CSNK1A1: variants seen among roughly 807,000 people sequenced by gnomAD.
The protein encoded by CSNK1A1 is casein kinase 1 alpha 1.
CSNK1A1 carries 7 observed loss-of-function variants against 46.1 expected under a neutral mutation model. The observed-to-expected ratio is 0.15, with a 90% CI of 0.09 to 0.29. The LOEUF is 0.29. Among genes scored for constraint, CSNK1A1 ranks in the 10% least tolerant of loss-of-function variants. CSNK1A1 has a pLI of 1.00. For missense variants in CSNK1A1, 96 were observed against 417.1 expected, an observed-to-expected ratio of 0.23 and a Z score of 6.71; for synonymous variants, 137 against 141.5, an observed-to-expected ratio of 0.97 and a Z score of 0.23.
At chr5:149,515,850 G>GT (rs1200756178) in intron 4 of CSNK1A1, among the ~76,000 whole-genome samples, 2 of 152,168 alleles carry the variant, frequency 1.3e-5, no homozygotes, top group Admixed American at 6.5e-5. Context: ...TCAAATAAGC[G>GT]TAAGATAATG....
rs191580936 is a variant in CSNK1A1, at chr5:149,510,472, T to G, written c.676-519A>C. Among the ~76,000 whole-genome samples the G allele has an allele frequency of 2.9e-3, 445 of 151,952 alleles. 3 individuals are homozygous for G. The highest frequency in any genetic ancestry group is 0.01 in the African/African-American group (435 of 41,496). On this transcript the variant is annotated intron_variant, in intron 6 of 9. Transcript: ENST00000377843. ...CTTTCCTTTTTCCTTTTCTTTGTTT[T>G]TTTGTTTGTTTGTTTGTTTTTTTGA...
chr5:149,545,251 T>C, intron 2 of CSNK1A1: 1 of 218,380 alleles, frequency 4.6e-6, no homozygotes, highest in Non-Finnish European at 9.0e-6. Flanking sequence ...GTCCAAGAAT[T>C]TTCTTTCTTT....
rs909460651 is a variant in CSNK1A1 at position 149,521,270 on chromosome 5, C to CTT, written c.358-884_358-883dup. 1.3e-3 allele frequency among the ~76,000 whole-genome samples: 158 copies of CTT among 123,908 alleles called. 2 individuals are homozygous for CTT. Among genetic ancestry groups the CTT allele is most frequent in the African/African-American group, 2.7e-3 (91 of 33,496 alleles). The allele number at this position is 123,908 out of a possible 152,430, so 81.3% of individuals were successfully genotyped here. ...GCTGTAACAATTTGGATTTACTCTT[C>CTT]TTTTTTTTTTTTTTTTTTTGAGACA... On this transcript the variant is annotated intron_variant, in intron 3 of 9. Transcript: ENST00000377843.
rs371662153 is a variant in CSNK1A1, at chr5:149,507,038, G to A, written c.846C>T (p.Arg282=). Residue 282 remains arginine, a synonymous_variant, in exon 8 of 10, where the codon CGC becomes CGT. Coordinates refer to ENST00000377843, the MANE Select transcript of CSNK1A1 (RefSeq NM_001892.6). ...CCTTAAAAACTGACCTGAAAAGAAT[G>A]CGGAATAGCTGCCTCAGATACATGT... ...PDYMYLRQLF[R]ILFRTLNHQY... 6.2e-7 allele frequency: 1 copy of A among 1,612,272 alleles called. No individual in the cohort carries two copies. Among genetic ancestry groups the A allele is most frequent in the Non-Finnish European group, 8.5e-7 (1 of 1,179,046 alleles).
chr5:149,519,961 ATGGGGG>A (rs945185836), intron 4 of CSNK1A1, among the ~76,000 whole-genome samples: 1 of 152,196 alleles, frequency 6.6e-6, no homozygotes, highest in African/African-American at 2.4e-5. Context: ...AGAAAAGAAT[ATGGGGG>A]TTTTTGCTAT....
intron 2 of CSNK1A1, among the ~76,000 whole-genome samples, chr5:149,529,037 A>G (rs1222493634): frequency 6.6e-6 from 1 of 152,232 alleles, no homozygotes. Flanking sequence ...TGCATATTGC[A>G]GGTACTCAGG....
Position 149,497,026 on chromosome 5 carries a change from T to G in CSNK1A1, c.1007-166A>C. ...CTCAACTTTTTAAAACAGAAAAACA[T>G]GAATCTATACTTAAAACTAATTTTT... On this transcript the variant is annotated intron_variant, in intron 9 of 9. Coordinates refer to ENST00000377843, the MANE Select transcript of CSNK1A1 (RefSeq NM_001892.6). 2.8e-6 allele frequency: 4 copies of G among 1,431,820 alleles called. No individual in the cohort carries two copies. The African/African-American group carries it at 5.7e-5, about 21-fold the overall frequency. The allele number at this position is 1,431,820 out of a possible 1,614,324, so 88.7% of individuals were successfully genotyped here. A position where few individuals can be genotyped will look rare whatever the true frequency, so the allele number is the denominator to read the frequency against.
intron 2 of CSNK1A1, among the ~76,000 whole-genome samples, chr5:149,548,338 A>G (rs1165427200): frequency 6.6e-6 from 1 of 151,596 alleles, no homozygotes. Context: ...AGGCTGAGGC[A>G]GGTGGATCAC....
At chr5:149,512,463 T>C (rs1761258539) in intron 5 of CSNK1A1, among the ~76,000 whole-genome samples, 1 of 152,134 alleles carries the variant, frequency 6.6e-6, no homozygotes, top group South Asian at 2.1e-4. Context: ...CATATCATTG[T>C]TTTTTCTACT....
chr5:149,532,744 A>T (rs1036417847), intron 2 of CSNK1A1, among the ~76,000 whole-genome samples: 2 of 152,008 alleles, frequency 1.3e-5, no homozygotes, highest in African/African-American at 4.8e-5. Context: ...TTCTGCTAAA[A>T]CTCATGAGGT....
chr5:149,500,743 T>C (rs1489258415), intron 9 of CSNK1A1, among the ~76,000 whole-genome samples: 1 of 151,966 alleles, frequency 6.6e-6, no homozygotes, highest in Non-Finnish European at 1.5e-5. Context: ...GTGGTTCTGT[T>C]TGTTGCACAG....
In CSNK1A1 at chr5:149,507,136, A is replaced by G. The variant is rs749174716; in HGVS notation, c.751-3T>C. The G allele has an allele frequency of 6.2e-7, 1 of 1,609,130 alleles. No individual in the cohort carries two copies. Among genetic ancestry groups the G allele is most frequent in the South Asian group, 1.1e-5 (1 of 90,482 alleles). ...ATCGCAAATTCTGCAGGAAACCCCT[A>G]TAGGTTCAAGGGTTAAAACAAAGTT... On this transcript the variant is annotated splice_polypyrimidine_tract_variant and splice_region_variant and intron_variant, in intron 7 of 9. Coordinates refer to ENST00000377843, the MANE Select transcript of CSNK1A1 (RefSeq NM_001892.6).
rs545531535 is a variant in CSNK1A1, at chr5:149,542,896, T to C, written c.230+7179A>G. Among the ~76,000 whole-genome samples the C allele has an allele frequency of 3.0e-3, 454 of 150,806 alleles. 3 individuals are homozygous for C. Among genetic ancestry groups the C allele is most frequent in the African/African-American group, 0.01 (425 of 41,100 alleles). On this transcript the variant is annotated intron_variant, in intron 2 of 9. Coordinates refer to ENST00000377843, the MANE Select transcript of CSNK1A1 (RefSeq NM_001892.6). ...TTTCAGTAGAGATGGGGTTTCACCA[T>C]GTTGGCCAGCCTGGTTTCGAACTCC...
chr5:149,531,557 T>C (rs186516894), intron 2 of CSNK1A1, among the ~76,000 whole-genome samples: 1 of 140,456 alleles, frequency 7.1e-6, no homozygotes, highest in Non-Finnish European at 1.6e-5. Context: ...AGAAAAAAAA[T>C]CAATTTTGAG....
At chr5:149,547,410 T>G (rs151125381) in intron 2 of CSNK1A1, among the ~76,000 whole-genome samples, 2 of 152,254 alleles carry the variant, frequency 1.3e-5, no homozygotes, top group African/African-American at 4.8e-5. Flanking sequence ...TAAAAGGACA[T>G]GTACTGTACT....
intron 4 of CSNK1A1, 39 bp downstream of exon 4, chr5:149,520,251 T>C: frequency 1.5e-6 from 2 of 1,290,756 alleles, no homozygotes; most frequent in Non-Finnish European, 2.2e-6. Flanking sequence ...TGTCGAAACT[T>C]TACTCTTTGT....
intron 9 of CSNK1A1, chr5:149,497,278 T>C (rs2113033195): frequency 3.0e-6 from 3 of 993,230 alleles, no homozygotes; most frequent in South Asian, 4.5e-5. Flanking sequence ...CTGACACAAA[T>C]TAAAACGGTT....
intron 2 of CSNK1A1, chr5:149,529,649 A>G (rs888239440): frequency 4.4e-6 from 2 of 455,024 alleles, no homozygotes; most frequent in African/African-American, 2.0e-5. Context: ...CATAAAGGGA[A>G]GAGTCAAGGT....
intron 3 of CSNK1A1, among the ~76,000 whole-genome samples, chr5:149,523,139 C>A (rs534567571): frequency 1.3e-5 from 2 of 150,782 alleles, no homozygotes; most frequent in African/African-American, 4.9e-5. Context: ...CTCCTGGGTT[C>A]ATGTGATTCT....
Sources: gnomAD v4.1 joint callset for allele counts (sites outside exome capture counted in the v4.1 genomes callset) on GRCh38, gnomAD v4.1.1 for gene constraint, MANE v1.5 for transcripts, NCBI Gene and HGNC (gene_info 2026-07-23, HGNC 2026-07-21) for gene names.